Variants in CFDP1 observed in about 807,000 individuals in gnomAD.
CFDP1 encodes chromatin remodeling protein CFDP1.
Under a neutral mutation model 40.1 loss-of-function variants are expected in CFDP1, and 31 were observed. The ratio of observed to expected loss-of-function variants is 0.77; its 90% CI spans 0.58 to 1.04. The LOEUF (loss-of-function observed/expected upper bound fraction) is 1.04. Among genes scored for constraint, CFDP1 ranks in the 50% least tolerant of loss-of-function variants. The pLI, the probability that CFDP1 is intolerant of heterozygous loss-of-function variation, is 0.00. For missense variants in CFDP1, 423 were observed against 343.4 expected, an observed-to-expected ratio of 1.23 and a Z score of -1.83; for synonymous variants, 167 against 120.0, an observed-to-expected ratio of 1.39 and a Z score of -2.56.
chr16:75,362,127 A>G (rs1014242386), intron 5 of CFDP1, among the ~76,000 whole-genome samples: 1 of 152,234 alleles, frequency 6.6e-6, no homozygotes, highest in African/African-American at 2.4e-5. Context: ...TTGGGTAATA[A>G]GTCAGACGGG....
intron 5 of CFDP1, among the ~76,000 whole-genome samples, chr16:75,373,337 G>A (rs575952579): frequency 5.8e-4 from 88 of 152,202 alleles, no homozygotes; most frequent in African/African-American, 1.9e-3. Flanking sequence ...TATCGTATTG[G>A]ACTTTCTTCC....
intron 5 of CFDP1, among the ~76,000 whole-genome samples, chr16:75,353,192 T>C (rs951918093): frequency 6.6e-6 from 1 of 152,162 alleles, no homozygotes; most frequent in Non-Finnish European, 1.5e-5. Flanking sequence ...CCTTACTGGA[T>C]CCAAACAAAC....
intron 5 of CFDP1, among the ~76,000 whole-genome samples, chr16:75,323,733 C>T (rs1055613157): frequency 2.0e-5 from 3 of 150,152 alleles, no homozygotes; most frequent in East Asian, 2.0e-4. Flanking sequence ...GAGCCGAGAT[C>T]GTGCCATTGC....
chr16:75,376,207 T>TC (rs1274260620), intron 5 of CFDP1, among the ~76,000 whole-genome samples: 8 of 152,158 alleles, frequency 5.3e-5, no homozygotes, highest in African/African-American at 1.9e-4. Flanking sequence ...CAAGACCCTG[T>TC]CTCAGAAAAA....
At chr16:75,327,304 C>T (rs2078409485) in intron 5 of CFDP1, among the ~76,000 whole-genome samples, 1 of 151,996 alleles carries the variant, frequency 6.6e-6, no homozygotes, top group Non-Finnish European at 1.5e-5. Context: ...GGGAATAAAC[C>T]TGGAAGACAT....
At chr16:75,372,863 G>C (rs183497038) in intron 5 of CFDP1, among the ~76,000 whole-genome samples, 1 of 152,120 alleles carries the variant, frequency 6.6e-6, no homozygotes, top group African/African-American at 2.4e-5. Context: ...TGTGAGGGAG[G>C]AGAAAATAAA....
chr16:75,305,115 T>C lies in CFDP1; in HGVS notation c.718A>G (p.Thr240Ala). 6.2e-7 allele frequency: 1 copy of C among 1,614,084 alleles called. No homozygotes were observed. ...KIGAKKQKMSTLEKSKLDWES... is the reference protein window; with the variant it reads ...KIGAKKQKMSALEKSKLDWES... ...CAGTCCAGTTTGGACTTCTCAAGGG[T>C]GCTCATTTTCTGCTTCTTGGCACCA... Residue 240 changes from threonine to alanine, a missense_variant, in exon 6 of 7, where the codon ACC (threonine) becomes GCC (alanine). Physicochemically the swap from Thr to Ala is moderately conservative, Grantham distance 58 (BLOSUM62 0). Coordinates refer to ENST00000283882, the MANE Select transcript of CFDP1 (RefSeq NM_006324.3).
intron 6 of CFDP1, among the ~76,000 whole-genome samples, chr16:75,294,986 C>A (rs1010294953): frequency 6.6e-6 from 1 of 152,122 alleles, no homozygotes. Flanking sequence ...TTTGCCTGGG[C>A]GGAGGAGATC....
intron 5 of CFDP1, among the ~76,000 whole-genome samples, chr16:75,331,209 T>C (rs1244747195): frequency 6.6e-6 from 1 of 152,190 alleles, no homozygotes; most frequent in Non-Finnish European, 1.5e-5. Context: ...ATTTTCATCT[T>C]TCCCAGGGTC....
At chr16:75,320,201 A>C (rs768057876) in intron 5 of CFDP1, among the ~76,000 whole-genome samples, 1 of 152,176 alleles carries the variant, frequency 6.6e-6, no homozygotes, top group Non-Finnish European at 1.5e-5. Flanking sequence ...TCCCATCCCT[A>C]CTGCTAGGAG....
chr16:75,369,167 C>A (rs2078735429), intron 5 of CFDP1, among the ~76,000 whole-genome samples: 1 of 152,092 alleles, frequency 6.6e-6, no homozygotes, highest in East Asian at 1.9e-4. Context: ...CTCCTCTCCT[C>A]AGTATAGTTT....
intron 5 of CFDP1, among the ~76,000 whole-genome samples, chr16:75,331,745 C>T (rs1472604880): frequency 6.6e-6 from 1 of 152,142 alleles, no homozygotes; most frequent in Non-Finnish European, 1.5e-5. Context: ...ATTCTCCTAT[C>T]GATGGACACC....
At chr16:75,347,518 A>T (rs1396977079) in intron 5 of CFDP1, among the ~76,000 whole-genome samples, 1 of 151,758 alleles carries the variant, frequency 6.6e-6, no homozygotes, top group Non-Finnish European at 1.5e-5. Flanking sequence ...TCTCTACTAA[A>T]AATACAAAAA....
intron 6 of CFDP1, among the ~76,000 whole-genome samples, chr16:75,296,405 T>C (rs1214310346): frequency 1.3e-5 from 2 of 152,096 alleles, no homozygotes; most frequent in Admixed American, 6.5e-5. Context: ...ACCTGGCTAA[T>C]TTTAAATCTT....
intron 5 of CFDP1, among the ~76,000 whole-genome samples, chr16:75,305,883 C>T (rs79132948): frequency 0.026 from 4,011 of 152,276 alleles, 58 homozygotes; most frequent in Middle Eastern, 0.034. Flanking sequence ...AAAGCTCACA[C>T]GGGGAATGTA....
chr16:75,346,873 C>G (rs1333307736), intron 5 of CFDP1, among the ~76,000 whole-genome samples: 2 of 151,938 alleles, frequency 1.3e-5, no homozygotes, highest in African/African-American at 4.8e-5. Flanking sequence ...ACTTGCCCAC[C>G]CCACTCCTGA....
rs372255145 is a variant in CFDP1 at position 75,359,488 on chromosome 16, T to C, written c.650+35602A>G. Among the ~76,000 whole-genome samples the C allele has an allele frequency of 6.1e-4, 93 of 152,324 alleles. No homozygotes were observed. The South Asian group carries it at 0.017, about 28-fold the overall frequency. On this transcript the variant is annotated intron_variant, in intron 5 of 6. Coordinates refer to ENST00000283882, the MANE Select transcript of CFDP1 (RefSeq NM_006324.3). ...CTGAATTTTTAGCTAGTCTATTCAA[T>C]GATGCTGTTTTCCCCTAAGACTCTT...
rs573774838 is a variant in CFDP1 at position 75,369,001 on chromosome 16, C to G, written c.650+26089G>C. On this transcript the variant is annotated intron_variant, in intron 5 of 6. Coordinates refer to ENST00000283882, the MANE Select transcript of CFDP1 (RefSeq NM_006324.3). ...TAAAATGGAATAAAATATTCCAATA[C>G]TTGCACAAACATGTCTTGCTTTATG... Among the ~76,000 whole-genome samples, 326 of 152,150 alleles carry G rather than the reference C, an allele frequency of 2.1e-3. 2 individuals carry two copies. Among genetic ancestry groups the G allele is most frequent in the African/African-American group, 7.4e-3 (307 of 41,524 alleles).
intron 1 of CFDP1, 107 bp downstream of exon 1, chr16:75,433,166 TCGAGAACAGGAGCCCC>T (rs2079445459): frequency 1.1e-6 from 1 of 871,564 alleles, no homozygotes; most frequent in African/African-American, 1.8e-5. Flanking sequence ...GAGCGGACGC[TCGAGAACAGGAGCCCC>T]CCTGGACCAC....
Sources: allele counts gnomAD v4.1 joint callset (sites outside exome capture counted in the v4.1 genomes callset), GRCh38; gene constraint gnomAD v4.1.1; transcripts MANE v1.5; gene names NCBI Gene and HGNC (gene_info 2026-07-23, HGNC 2026-07-21).